SIRT1: variants seen among roughly 807,000 people sequenced by gnomAD.
SIRT1 encodes sirtuin 1.
SIRT1 carries 24 observed loss-of-function variants against 67.9 expected under a neutral mutation model. That is an observed-to-expected ratio of 0.35 (90% CI 0.26 to 0.50). SIRT1 has a LOEUF of 0.50. Ranked by LOEUF, SIRT1 falls within the 20% of genes least tolerant of loss-of-function variation. SIRT1 has a pLI of 0.98. For synonymous variants in SIRT1, 378 were observed against 350.7 expected, an observed-to-expected ratio of 1.08 and a Z score of -0.87; for missense variants, 873 against 937.2, an observed-to-expected ratio of 0.93 and a Z score of 0.89.
chr10:67,909,200 C>T, intron 6 of SIRT1, 56 bp from the exon 7 acceptor site: 2 of 1,211,056 alleles, frequency 1.7e-6, no homozygotes, highest in East Asian at 2.5e-5. Context: ...TTGACTATTT[C>T]TAACTTGGGC....
chr10:67,902,335 T>C (rs1396704009), intron 4 of SIRT1, among the ~76,000 whole-genome samples: 1 of 152,212 alleles, frequency 6.6e-6, no homozygotes, highest in Non-Finnish European at 1.5e-5. Context: ...CTGAACTTAT[T>C]CTTCCCAGCG....
intron 3 of SIRT1, among the ~76,000 whole-genome samples, chr10:67,889,720 C>G (rs1337955777): frequency 6.6e-6 from 1 of 152,080 alleles, no homozygotes; most frequent in African/African-American, 2.4e-5. Flanking sequence ...AAATTTTGTC[C>G]TGTTTTCTGC....
In SIRT1 at chr10:67,912,829, A is replaced by G. The variant is rs757147422; in HGVS notation, c.1713A>G (p.Ser571=). 1.2e-6 allele frequency: 2 copies of G among 1,614,142 alleles called. No homozygotes were observed. The highest frequency in any genetic ancestry group is 2.2e-5 in the South Asian group (2 of 91,060). Residue 571 remains serine, a synonymous_variant, in exon 8 of 9, where the codon TCA becomes TCG. Transcript: ENST00000212015. ...ATGATGATTTAGATGTGTCTGAATC[A>G]AAAGGTTGTATGGAAGAAAAACCAC... ...KSNDDLDVSE[S]KGCMEEKPQE... is the part of the protein sequence containing the mutation.
chr10:67,908,456 T>C (rs1266240573), intron 6 of SIRT1, among the ~76,000 whole-genome samples: 1 of 152,188 alleles, frequency 6.6e-6, no homozygotes. Context: ...CTTAAATTAG[T>C]TATGGTAATC....
At chr10:67,885,487 T>TC (rs1340206504) in intron 1 of SIRT1, 1 of 959,678 alleles carries the variant, frequency 1.0e-6, no homozygotes, top group Non-Finnish European at 1.3e-6. Context: ...GCTTTTTTTT[T>TC]CTTTTTCTTT....
At chr10:67,910,840 GGAGA>G (rs1179798394) in intron 7 of SIRT1, among the ~76,000 whole-genome samples, 3 of 152,142 alleles carry the variant, frequency 2.0e-5, no homozygotes, top group Non-Finnish European at 4.4e-5. Context: ...AATCAGAGGA[GGAGA>G]GAGAGAGATT....
intron 4 of SIRT1, among the ~76,000 whole-genome samples, chr10:67,897,907 T>G (rs1205438304): frequency 1.3e-5 from 2 of 151,968 alleles, no homozygotes; most frequent in African/African-American, 4.8e-5. Context: ...AGTGGTTGTA[T>G]TTAGAGTCAA....
At position 67,912,547 on chromosome 10, in the gene SIRT1, G is replaced by A; in HGVS notation, c.1431G>A (p.Glu477=). 1 of 1,614,052 alleles carries A rather than the reference G, an allele frequency of 6.2e-7. No homozygotes were observed. Among genetic ancestry groups the A allele is most frequent in the Non-Finnish European group, 8.5e-7 (1 of 1,180,032 alleles). ...TGCCTCATCTGCATTTTGATGTAGAGCTTCTTGGAGACTGTGATGTCATAA... is the reference window on the plus strand; with the variant it reads ...TGCCTCATCTGCATTTTGATGTAGAACTTCTTGGAGACTGTGATGTCATAA... ...EPLPHLHFDV[E]LLGDCDVIIN... Residue 477 remains glutamate, a synonymous_variant, in exon 8 of 9, where the codon GAG becomes GAA. Coordinates refer to ENST00000212015, the MANE Select transcript of SIRT1 (RefSeq NM_012238.5).
chr10:67,906,617 C>A (rs559322645), intron 4 of SIRT1, among the ~76,000 whole-genome samples, 173 bp from the exon 5 acceptor site: 4 of 152,292 alleles, frequency 2.6e-5, no homozygotes, highest in African/African-American at 9.6e-5. Context: ...ATGCATATGA[C>A]AGCAACCGTC....
chr10:67,893,162 A>T (rs539214210), intron 4 of SIRT1, among the ~76,000 whole-genome samples: 1 of 152,162 alleles, frequency 6.6e-6, no homozygotes, highest in East Asian at 1.9e-4. Flanking sequence ...AAGTGCCGGG[A>T]TACATGTGCA....
intron 4 of SIRT1, among the ~76,000 whole-genome samples, chr10:67,902,194 G>A: frequency 6.6e-6 from 1 of 152,128 alleles, no homozygotes; most frequent in Non-Finnish European, 1.5e-5. Context: ...TCACCATGTT[G>A]GCCAGGCTGG....
intron 8 of SIRT1, among the ~76,000 whole-genome samples, 158 bp downstream of exon 8, chr10:67,913,189 G>A (rs552149712): frequency 6.6e-6 from 1 of 152,148 alleles, no homozygotes; most frequent in Non-Finnish European, 1.5e-5. Flanking sequence ...AAATCTTCTG[G>A]TATCTTAACA....
chr10:67,889,314 AT>A (rs1410589099), intron 3 of SIRT1, among the ~76,000 whole-genome samples, 191 bp downstream of exon 3: 1 of 152,224 alleles, frequency 6.6e-6, no homozygotes, highest in South Asian at 2.1e-4. Flanking sequence ...CCTTAAAAAA[AT>A]ATTTGCTTCT....
In SIRT1 at chr10:67,913,154, CTG is replaced by C. The variant is rs34661332; in HGVS notation, c.1915+125_1915+126del. 7.6e-3 allele frequency: 7,274 copies of C among 962,990 alleles called. 359 individuals are homozygous for C. In the African/African-American group the frequency reaches 0.11, roughly 14 times the overall value. 59.7% of individuals were successfully genotyped at this position (962,990 alleles called of 1,614,324 possible). A position where few individuals can be genotyped will look rare whatever the true frequency, so the allele number is the denominator to read the frequency against. ...ATGTAGTTGATTCTGTTTAGAGAAA[CTG>C]TACAGTTCGTAATCAGAAAGGTAAA... is the stretch of plus-strand genomic sequence containing the variant. On this transcript the variant is annotated intron_variant, in intron 8 of 8. Coordinates refer to ENST00000212015, the MANE Select transcript of SIRT1 (RefSeq NM_012238.5).
chr10:67,906,298 AAACTTTAGCTTTAAACTTCCAGC>A, intron 4 of SIRT1: 1 of 1,570,014 alleles, frequency 6.4e-7, no homozygotes, highest in Non-Finnish European at 8.6e-7. Flanking sequence ...GTAAGGATTA[AAACTTTAGCTTTAAACTTCCAGC>A]AGGTTGATAT....
chr10:67,895,847 T>G (rs1387874314), intron 4 of SIRT1, among the ~76,000 whole-genome samples: 4 of 145,026 alleles, frequency 2.8e-5, no homozygotes, highest in Non-Finnish European at 6.0e-5. Context: ...GTTCAAGCAA[T>G]TCTGCTGCCT....
chr10:67,899,872 G>A (rs1012831279), intron 4 of SIRT1, among the ~76,000 whole-genome samples: 1 of 151,934 alleles, frequency 6.6e-6, no homozygotes, highest in Admixed American at 6.6e-5. Context: ...ATCACTTGAG[G>A]TAGGAGTTTG....
chr10:67,910,016 T>C (rs1842875507), intron 7 of SIRT1, among the ~76,000 whole-genome samples: 1 of 152,158 alleles, frequency 6.6e-6, no homozygotes. Context: ...CTGGCTGAAC[T>C]GTTTTTTTAG....
Position 67,891,580 on chromosome 10 carries a change from C to G in SIRT1, c.942+26C>G, listed in dbSNP as rs1389624731. 3.1e-6 allele frequency: 5 copies of G among 1,609,940 alleles called. No individual in the cohort carries two copies. The South Asian group carries it at 5.5e-5, about 18-fold the overall frequency. On this transcript the variant is annotated intron_variant, in intron 4 of 8. Transcript: ENST00000212015. ...GTACTATGAACTCTTCTGGTTGTTT[C>G]TTTGGCCTTCTCTCATGAAAAAGTA...
Sources: gnomAD v4.1 joint callset for allele counts (sites outside exome capture counted in the v4.1 genomes callset) on GRCh38, gnomAD v4.1.1 for gene constraint, MANE v1.5 for transcripts, NCBI Gene and HGNC (gene_info 2026-07-23, HGNC 2026-07-21) for gene names.